ABCB1: variants seen among roughly 807,000 people sequenced by gnomAD.
The protein encoded by ABCB1 is ATP-dependent translocase ABCB1.
Under a neutral mutation model 142.0 loss-of-function variants are expected in ABCB1, and 69 were observed. That is an observed-to-expected ratio of 0.49 (90% CI 0.40 to 0.59). The LOEUF (loss-of-function observed/expected upper bound fraction) is 0.59. Among genes scored for constraint, ABCB1 ranks in the 20% least tolerant of loss-of-function variants. The pLI is 0.00. For missense variants in ABCB1, 1,326 were observed against 1,554.7 expected, an observed-to-expected ratio of 0.85 and a Z score of 2.47; for synonymous variants, 532 against 539.2, an observed-to-expected ratio of 0.99 and a Z score of 0.18.
intron 1 of ABCB1, 135 bp from the exon 2 acceptor site, chr7:87,600,325 G>C (rs776221981): frequency 6.8e-6 from 5 of 732,270 alleles, no homozygotes; most frequent in African/African-American, 5.2e-5. Context: ...CAGCTGCTCT[G>C]GCCGCGATGG....
chr7:87,700,480 G>T (rs1418916926), intron 1 of ABCB1: 1 of 1,613,336 alleles, frequency 6.2e-7, no homozygotes, highest in South Asian at 1.1e-5. Flanking sequence ...TATCAGAGTG[G>T]CTTGCCGGAA....
intron 22 of ABCB1, 62 bp from the exon 23 acceptor site, chr7:87,519,528 T>C: frequency 1.9e-6 from 3 of 1,607,548 alleles, no homozygotes; most frequent in Non-Finnish European, 2.5e-6. Flanking sequence ...AAATGTAACT[T>C]TTGATAGGTT....
intron 5 of ABCB1, among the ~76,000 whole-genome samples, chr7:87,568,509 T>C (rs1357604734): frequency 6.6e-6 from 1 of 152,118 alleles, no homozygotes. Flanking sequence ...TATTCCAATA[T>C]TCCCACTTTT....
chr7:87,683,838 C>A (rs528958327), intron 1 of ABCB1, among the ~76,000 whole-genome samples: 1 of 152,164 alleles, frequency 6.6e-6, no homozygotes, highest in South Asian at 2.1e-4. Flanking sequence ...AAACCTTCAA[C>A]GTGTAAAAAA....
intron 1 of ABCB1, among the ~76,000 whole-genome samples, chr7:87,625,035 T>A (rs1365817984): frequency 6.6e-6 from 1 of 152,134 alleles, no homozygotes; most frequent in Non-Finnish European, 1.5e-5. Flanking sequence ...GAAGGGCGGA[T>A]CACGAGGTCA....
intron 7 of ABCB1, among the ~76,000 whole-genome samples, chr7:87,564,981 A>G (rs948534341): frequency 2.0e-5 from 3 of 152,220 alleles, no homozygotes; most frequent in Non-Finnish European, 4.4e-5. Context: ...TTAACTGATA[A>G]TCCCCAGAAA....
intron 7 of ABCB1, among the ~76,000 whole-genome samples, chr7:87,561,645 C>T (rs894576551): frequency 6.6e-6 from 1 of 152,118 alleles, no homozygotes; most frequent in South Asian, 2.1e-4. Context: ...AAAGGGCTAA[C>T]GTTATTGTAC....
At chr7:87,565,884 A>T (rs1182572372) in intron 7 of ABCB1, among the ~76,000 whole-genome samples, 186 bp downstream of exon 7, 1 of 152,154 alleles carries the variant, frequency 6.6e-6, no homozygotes, top group Non-Finnish European at 1.5e-5. Context: ...CAAGAACAGC[A>T]TGGAGTCTTG....
chr7:87,564,060 G>T, intron 7 of ABCB1: 1 of 353,312 alleles, frequency 2.8e-6, no homozygotes, highest in Non-Finnish European at 5.4e-6. Flanking sequence ...AATAACTAAT[G>T]GGTACTAGGC....
chr7:87,696,732 A>C lies in ABCB1; in HGVS notation c.-331+16429T>G, dbSNP rs769406479. 4.6e-5 allele frequency among the ~76,000 whole-genome samples: 7 copies of C among 152,330 alleles called. No homozygotes were observed. The East Asian group carries it at 1.3e-3, about 29-fold the overall frequency. ...TCACATCTAATTTGTAGAGCAGATA[A>C]ATGTGTTATGAAGATCTTGGTGGTT... On this transcript the variant is annotated intron_variant, in intron 1 of 28. Coordinates refer to the ABCB1 transcript ENST00000265724.
intron 25 of ABCB1, among the ~76,000 whole-genome samples, chr7:87,511,231 G>A (rs941590174): frequency 1.3e-5 from 2 of 152,122 alleles, no homozygotes; most frequent in Non-Finnish European, 2.9e-5. Context: ...ACAGATCAAA[G>A]AAGCAGAGCT....
intron 3 of ABCB1, among the ~76,000 whole-genome samples, chr7:87,588,976 A>G (rs557013940): frequency 2.0e-5 from 3 of 152,168 alleles, no homozygotes; most frequent in Admixed American, 6.5e-5. Context: ...TCCTTTGCCC[A>G]TCTTTTTATT....
At chr7:87,703,453 C>G (rs1829267584) in intron 1 of ABCB1, among the ~76,000 whole-genome samples, 2 of 152,206 alleles carry the variant, frequency 1.3e-5, no homozygotes, top group Admixed American at 1.3e-4. Flanking sequence ...CAGTTAATAG[C>G]TATGATTTTT....
At chr7:87,645,181 CA>C (rs1374134629) in intron 1 of ABCB1, among the ~76,000 whole-genome samples, 1 of 150,798 alleles carries the variant, frequency 6.6e-6, no homozygotes, top group African/African-American at 2.4e-5. Context: ...CTCCTGGGTT[CA>C]AGCGATTCTC....
chr7:87,630,064 T>C (rs936945236), intron 1 of ABCB1, among the ~76,000 whole-genome samples: 1 of 152,226 alleles, frequency 6.6e-6, no homozygotes, highest in African/African-American at 2.4e-5. Flanking sequence ...TAGGAACTTC[T>C]CTGAGCCATT....
chr7:87,616,752 C>T (rs562055887), intron 1 of ABCB1, among the ~76,000 whole-genome samples: 1 of 152,188 alleles, frequency 6.6e-6, no homozygotes, highest in East Asian at 1.9e-4. Context: ...TACAGTTTTC[C>T]CAAGGTCATA....
chr7:87,589,798 A>G (rs987861855), intron 3 of ABCB1, among the ~76,000 whole-genome samples: 2 of 138,294 alleles, frequency 1.4e-5, no homozygotes, highest in Non-Finnish European at 3.0e-5. Flanking sequence ...AAAGAGAGAG[A>G]GAGAGAGGAG....
chr7:87,705,086 T>C (rs1829468315), intron 1 of ABCB1, among the ~76,000 whole-genome samples: 1 of 152,214 alleles, frequency 6.6e-6, no homozygotes, highest in Non-Finnish European at 1.5e-5. Context: ...TAGATTCATA[T>C]TGTAGAAGCT....
intron 4 of ABCB1, among the ~76,000 whole-genome samples, chr7:87,572,898 T>C (rs1377113360): frequency 3.2e-5 from 2 of 62,268 alleles, no homozygotes; most frequent in Non-Finnish European, 6.0e-5. Context: ...ACTTTTGGAG[T>C]GTGGAGGGTG....
Sources: allele counts gnomAD v4.1 joint callset (sites outside exome capture counted in the v4.1 genomes callset), GRCh38; gene constraint gnomAD v4.1.1; transcripts MANE v1.5; gene names NCBI Gene and HGNC (gene_info 2026-07-23, HGNC 2026-07-21).